OSBPL10: variants seen among roughly 807,000 people sequenced by gnomAD.
OSBPL10 encodes the protein oxysterol-binding protein-related protein 10.
A neutral mutation model predicts 81.7 loss-of-function variants in OSBPL10; 49 were observed. The observed-to-expected ratio is 0.60, with a 90% CI of 0.48 to 0.76. The LOEUF (loss-of-function observed/expected upper bound fraction) is 0.76, where lower values mean the gene tolerates loss of function less well. OSBPL10 is among the 30% of genes least tolerant of loss of function. OSBPL10 has a pLI of 0.00. For missense variants in OSBPL10, 923 were observed against 987.8 expected (o/e 0.93, Z 0.88); for synonymous variants, 419 against 383.6 (o/e 1.09, Z -1.08).
chr3:31,767,616 C>T (rs928793250), intron 4 of OSBPL10, among the ~76,000 whole-genome samples: 12 of 152,202 alleles, frequency 7.9e-5, no homozygotes, highest in African/African-American at 2.7e-4. Context: ...CCCGTGAGCA[C>T]TTGCCCTTCT....
At chr3:31,775,978 T>C (rs917758563) in intron 4 of OSBPL10, among the ~76,000 whole-genome samples, 7 of 151,552 alleles carry the variant, frequency 4.6e-5, no homozygotes, top group African/African-American at 1.7e-4. Context: ...GTCTCAGGAG[T>C]TGAAGGATGG....
intron 7 of OSBPL10, among the ~76,000 whole-genome samples, chr3:31,692,733 G>T (rs1037470652): frequency 2.6e-5 from 4 of 152,226 alleles, no homozygotes; most frequent in Admixed American, 2.6e-4. Context: ...CTGTAAGCAG[G>T]TACAACTATT....
intron 1 of OSBPL10, among the ~76,000 whole-genome samples, chr3:31,976,858 C>G (rs932032909): frequency 6.6e-6 from 1 of 152,194 alleles, no homozygotes; most frequent in East Asian, 1.9e-4. Flanking sequence ...GTTGGTTCCA[C>G]GTTCGCAGTG....
chr3:31,745,783 G>T (rs373592058), intron 5 of OSBPL10, among the ~76,000 whole-genome samples: 1 of 152,126 alleles, frequency 6.6e-6, no homozygotes, highest in African/African-American at 2.4e-5. Flanking sequence ...TGTAGCAAAG[G>T]CCAAGTTCAG....
Position 31,870,353 on chromosome 3 carries a change from C to T in OSBPL10, c.537+6080G>A, listed in dbSNP as rs377116636. On this transcript the variant is annotated intron_variant, in intron 3 of 11. Coordinates refer to ENST00000396556, the MANE Select transcript of OSBPL10 (RefSeq NM_017784.5). ...TTCTCACTGGGCCTTAGCTTTCCCGCGGGGCAGGGCTCCGGACCTGCAGCC... is the reference window on the plus strand; with the variant it reads ...TTCTCACTGGGCCTTAGCTTTCCCGTGGGGCAGGGCTCCGGACCTGCAGCC... Among the ~76,000 whole-genome samples, 9 of 152,376 alleles carry T rather than the reference C, an allele frequency of 5.9e-5. No individual in the cohort carries two copies. The East Asian group carries it at 1.2e-3, about 20-fold the overall frequency.
chr3:31,830,008 G>A lies in OSBPL10; in HGVS notation c.729+32C>T, dbSNP rs777507938. 6 of 1,580,362 alleles carry A rather than the reference G, an allele frequency of 3.8e-6. No homozygotes were observed. In the Admixed American group the frequency reaches 1.1e-4, roughly 28 times the overall value. ...CTGTCACAGCCCCCAACTCCCCGGG[G>A]CTGCTTAACCTAGTAGGAGAGCAAA... On this transcript the variant is annotated intron_variant, in intron 4 of 11. Coordinates refer to ENST00000396556, the MANE Select transcript of OSBPL10 (RefSeq NM_017784.5).
chr3:31,783,823 AATATATAT>A (rs60886858), intron 4 of OSBPL10, among the ~76,000 whole-genome samples: 423 of 16,632 alleles, frequency 0.025, 11 homozygotes, highest in Non-Finnish European at 0.036. Context: ...AAAAAAAAAA[AATATATAT>A]ATATATATAT....
In OSBPL10 at chr3:31,662,046, C is replaced by G; in HGVS notation, c.*26G>C. The stretch of plus-strand genomic sequence containing the variant: ...ATATTCCTACAAAAACAGGGCTATA[C>G]TGGAAAGCTCTGCACCTCCACCCCA... On this transcript the variant is annotated 3_prime_UTR_variant, in exon 12 of 12. Transcript: ENST00000396556. 6.2e-7 allele frequency: 1 copy of G among 1,612,772 alleles called. No individual in the cohort carries two copies. Among genetic ancestry groups the G allele is most frequent in the Non-Finnish European group, 8.5e-7 (1 of 1,179,486 alleles).
At chr3:31,780,089 G>C (rs754872926) in intron 4 of OSBPL10, among the ~76,000 whole-genome samples, 1 of 152,036 alleles carries the variant, frequency 6.6e-6, no homozygotes, top group Admixed American at 6.6e-5. Flanking sequence ...TCAGGCAATC[G>C]AGACCATCCT....
At chr3:31,965,786 AGAT>A (rs1227428494) in intron 1 of OSBPL10, among the ~76,000 whole-genome samples, 5 of 78,610 alleles carry the variant, frequency 6.4e-5, no homozygotes, top group Admixed American at 4.7e-4. Context: ...TTATATAAAT[AGAT>A]AAGATATATT....
At chr3:31,849,633 T>C (rs1276846062) in intron 3 of OSBPL10, among the ~76,000 whole-genome samples, 1 of 152,176 alleles carries the variant, frequency 6.6e-6, no homozygotes, top group Non-Finnish European at 1.5e-5. Flanking sequence ...AACGTTGTTA[T>C]ACAAGAGATT....
intron 2 of OSBPL10, among the ~76,000 whole-genome samples, chr3:31,986,801 T>C (rs908462285): frequency 2.6e-5 from 4 of 151,962 alleles, no homozygotes; most frequent in African/African-American, 9.7e-5. Flanking sequence ...GCCCAGGAGT[T>C]CCAGACCAGC....
chr3:32,071,676 C>T (rs1424076259), intron 1 of OSBPL10, among the ~76,000 whole-genome samples: 1 of 152,226 alleles, frequency 6.6e-6, no homozygotes, highest in Non-Finnish European at 1.5e-5. Context: ...CTACAGTTCT[C>T]ATAACTTCCA....
At chr3:31,802,118 C>T (rs951743654) in intron 4 of OSBPL10, among the ~76,000 whole-genome samples, 17 of 150,810 alleles carry the variant, frequency 1.1e-4, no homozygotes, top group African/African-American at 3.6e-4. Flanking sequence ...CCACTGCACC[C>T]AGTCCGCCCG....
At chr3:31,798,494 A>T (rs1051847500) in intron 4 of OSBPL10, among the ~76,000 whole-genome samples, 2 of 152,144 alleles carry the variant, frequency 1.3e-5, no homozygotes, top group Non-Finnish European at 2.9e-5. Context: ...AAATACATAA[A>T]ATATTACATT....
chr3:31,900,025 C>CTTT (rs11423783), intron 1 of OSBPL10, among the ~76,000 whole-genome samples: 3 of 135,468 alleles, frequency 2.2e-5, no homozygotes, highest in Middle Eastern at 3.6e-3. Flanking sequence ...GAAAATAAAA[C>CTTT]TTTTTTTTTT....
intron 8 of OSBPL10, 45 bp downstream of exon 8, chr3:31,683,589 A>C: frequency 6.3e-7 from 1 of 1,579,104 alleles, no homozygotes; most frequent in Non-Finnish European, 8.6e-7. Context: ...AGGTATAGAA[A>C]CGTCACTGTG....
chr3:31,899,603 G>A (rs967566932), intron 1 of OSBPL10, among the ~76,000 whole-genome samples: 3 of 152,160 alleles, frequency 2.0e-5, no homozygotes, highest in African/African-American at 7.2e-5. Flanking sequence ...GCCGAGGTGA[G>A]AGAACCACTG....
chr3:31,811,005 A>C (rs1699664888), intron 4 of OSBPL10, among the ~76,000 whole-genome samples: 1 of 152,200 alleles, frequency 6.6e-6, no homozygotes, highest in Non-Finnish European at 1.5e-5. Flanking sequence ...GGTGTCGAGG[A>C]GGTCAATGAG....
Sources: gnomAD v4.1 joint callset for allele counts (sites outside exome capture counted in the v4.1 genomes callset) on GRCh38, gnomAD v4.1.1 for gene constraint, MANE v1.5 for transcripts, NCBI Gene and HGNC (gene_info 2026-07-23, HGNC 2026-07-21) for gene names.